RUNDC3B: variants seen among roughly 807,000 people sequenced by gnomAD.
RUNDC3B encodes the protein RUN domain containing 3B, also known as RUN domain-containing protein 3B.
Under a neutral mutation model 58.4 loss-of-function variants are expected in RUNDC3B, and 33 were observed. The ratio of observed to expected loss-of-function variants is 0.56; its 90% CI spans 0.43 to 0.75. RUNDC3B has a LOEUF of 0.75. Among genes scored for constraint, RUNDC3B ranks in the 30% least tolerant of loss-of-function variants. The pLI is 0.00. For missense variants in RUNDC3B, 501 were observed against 535.7 expected (o/e 0.94, Z 0.64); for synonymous variants, 193 against 195.2 (o/e 0.99, Z 0.10).
chr7:87,786,213 A>G (rs1835207205), intron 8 of RUNDC3B, among the ~76,000 whole-genome samples: 1 of 152,074 alleles, frequency 6.6e-6, no homozygotes, highest in African/African-American at 2.4e-5. Flanking sequence ...CTCTGCAGAC[A>G]CTGTCCCAGT....
chr7:87,717,203 T>C (rs1830597238), intron 4 of RUNDC3B, among the ~76,000 whole-genome samples: 1 of 152,174 alleles, frequency 6.6e-6, no homozygotes, highest in African/African-American at 2.4e-5. Flanking sequence ...GGAGGTATTC[T>C]ATATCAGGAC....
At chr7:87,784,760 T>A (rs1835115622) in intron 8 of RUNDC3B, among the ~76,000 whole-genome samples, 1 of 119,572 alleles carries the variant, frequency 8.4e-6, no homozygotes, top group African/African-American at 3.1e-5. Flanking sequence ...AGGGGGGAGA[T>A]GTTGTTGGGG....
At chr7:87,665,677 C>G (rs112961396) in intron 2 of RUNDC3B, among the ~76,000 whole-genome samples, 2,080 of 151,990 alleles carry the variant, frequency 0.014, 41 homozygotes, top group African/African-American at 0.047. Context: ...AGTTTTTGAT[C>G]CTCTCCTTCC....
At chr7:87,655,037 G>A (rs1330055837) in intron 2 of RUNDC3B, among the ~76,000 whole-genome samples, 1 of 152,068 alleles carries the variant, frequency 6.6e-6, no homozygotes, top group Non-Finnish European at 1.5e-5. Context: ...AGGATAACAA[G>A]TGCTGGAGAA....
intron 2 of RUNDC3B, among the ~76,000 whole-genome samples, chr7:87,697,132 C>T (rs1485399482): frequency 6.6e-6 from 1 of 152,160 alleles, no homozygotes; most frequent in Non-Finnish European, 1.5e-5. Flanking sequence ...GACCCTTGTA[C>T]ATTTCCTTAA....
chr7:87,703,885 C>CTTTTTTTTTTTTTTTTTTTTTTTTTT, intron 3 of RUNDC3B, among the ~76,000 whole-genome samples: 28 of 60,292 alleles, frequency 4.6e-4, no homozygotes, highest in Admixed American at 9.7e-4. Context: ...TCAGTTTTTT[C>CTTTTTTTTTTTTTTTTTTTTTTTTTT]TTTTTTTTTT....
chr7:87,810,043 AC>A (rs2130938649), intron 9 of RUNDC3B, among the ~76,000 whole-genome samples: 2 of 151,786 alleles, frequency 1.3e-5, no homozygotes, highest in Non-Finnish European at 2.9e-5. Flanking sequence ...ATAATTCATT[AC>A]AGTTTTAATG....
intron 2 of RUNDC3B, among the ~76,000 whole-genome samples, chr7:87,690,009 T>G (rs1585111331): frequency 1.3e-5 from 2 of 152,054 alleles, no homozygotes; most frequent in East Asian, 3.8e-4. Context: ...TTTAAATTTT[T>G]TATAGAGACA....
At chr7:87,796,865 A>G (rs140295885) in intron 8 of RUNDC3B, among the ~76,000 whole-genome samples, 214 of 152,360 alleles carry the variant, frequency 1.4e-3, no homozygotes, top group African/African-American at 4.9e-3. Flanking sequence ...TAAATGTATC[A>G]GTAAGGATAT....
At chr7:87,818,183 T>G (rs1027904060) in intron 10 of RUNDC3B, among the ~76,000 whole-genome samples, 1 of 152,182 alleles carries the variant, frequency 6.6e-6, no homozygotes, top group African/African-American at 2.4e-5. Flanking sequence ...GATTTTATTC[T>G]AATTTTTAAT....
chr7:87,727,066 G>A (rs1478089881), intron 4 of RUNDC3B, among the ~76,000 whole-genome samples: 1 of 152,114 alleles, frequency 6.6e-6, no homozygotes. Flanking sequence ...TTTCCTGATT[G>A]AATACCCTTT....
At chr7:87,718,027 T>G (rs1830665549) in intron 4 of RUNDC3B, among the ~76,000 whole-genome samples, 1 of 152,254 alleles carries the variant, frequency 6.6e-6, no homozygotes, top group Middle Eastern at 3.4e-3. Flanking sequence ...TGATACAATA[T>G]TAGGAAATTC....
intron 2 of RUNDC3B, among the ~76,000 whole-genome samples, chr7:87,684,776 A>G (rs929831046): frequency 1.3e-5 from 2 of 149,290 alleles, no homozygotes; most frequent in African/African-American, 4.9e-5. Context: ...AAAAAAAAGA[A>G]TAGAATAGAA....
At chr7:87,688,853 T>G (rs1827736947) in intron 2 of RUNDC3B, among the ~76,000 whole-genome samples, 1 of 152,004 alleles carries the variant, frequency 6.6e-6, no homozygotes. Flanking sequence ...GAACAAAATC[T>G]TATGTATTTG....
intron 10 of RUNDC3B, among the ~76,000 whole-genome samples, chr7:87,820,993 C>A (rs1190193728): frequency 6.7e-6 from 1 of 149,566 alleles, no homozygotes; most frequent in Non-Finnish European, 1.5e-5. Context: ...ACAGGGATGC[C>A]CTCTCTCACC....
At chr7:87,789,528 G>A (rs761567671) in intron 8 of RUNDC3B, among the ~76,000 whole-genome samples, 15 of 152,040 alleles carry the variant, frequency 9.9e-5, no homozygotes, top group Non-Finnish European at 1.8e-4. Flanking sequence ...ACATTATAAC[G>A]GACAGATTAT....
chr7:87,628,821 G>C lies in RUNDC3B; in HGVS notation c.-3G>C, dbSNP rs1251620182. 1 of 1,246,340 alleles carries C rather than the reference G, an allele frequency of 8.0e-7. No individual in the cohort carries two copies. Among genetic ancestry groups the C allele is most frequent in the African/African-American group, 1.5e-5 (1 of 64,716 alleles). The allele number at this position is 1,246,340 out of a possible 1,614,324, so 77.2% of individuals were successfully genotyped here. On this transcript the variant is annotated 5_prime_UTR_variant, in exon 1 of 11. Transcript: ENST00000394654. ...ACAAAAGGGGCACGGGGGTAAGCCC[G>C]CCATGGCCTCCCGGAGCCTGGGGGG...
intron 2 of RUNDC3B, among the ~76,000 whole-genome samples, chr7:87,678,573 A>C (rs2130572077): frequency 6.6e-6 from 1 of 152,314 alleles, no homozygotes; most frequent in East Asian, 1.9e-4. Context: ...ACAAACAATA[A>C]AATGGTAGAC....
At chr7:87,815,093 TC>T in intron 9 of RUNDC3B, among the ~76,000 whole-genome samples, 1 of 149,930 alleles carries the variant, frequency 6.7e-6, no homozygotes, top group South Asian at 2.1e-4. Context: ...TTCCCCCCCT[TC>T]CTCCCCATTT....
Sources: allele counts gnomAD v4.1 joint callset (sites outside exome capture counted in the v4.1 genomes callset), GRCh38; gene constraint gnomAD v4.1.1; transcripts MANE v1.5; gene names NCBI Gene and HGNC (gene_info 2026-07-23, HGNC 2026-07-21).